The following RAPGEF2 variants were observed in gnomAD, a reference collection of about 807,000 sequenced individuals.
RAPGEF2 encodes PDZ domain containing guanine nucleotide exchange factor (GEF) 1.
Under a neutral mutation model 186.7 loss-of-function variants are expected in RAPGEF2, and 54 were observed. That is an observed-to-expected ratio of 0.29 (90% CI 0.23 to 0.36). The LOEUF (loss-of-function observed/expected upper bound fraction) is 0.36. Ranked by LOEUF, RAPGEF2 falls within the 10% of genes least tolerant of loss-of-function variation. The pLI is 1.00. For missense variants in RAPGEF2, 1,532 were observed against 2,045.0 expected (o/e 0.75, Z 4.84); for synonymous variants, 712 against 705.9 (o/e 1.01, Z -0.14).
intron 1 of RAPGEF2, among the ~76,000 whole-genome samples, chr4:159,135,377 T>C: frequency 6.6e-6 from 1 of 152,082 alleles, no homozygotes; most frequent in East Asian, 1.9e-4. Context: ...CAAGTAATAT[T>C]CCATTATATA....
At chr4:159,264,339 A>G (rs750658169) in intron 7 of RAPGEF2, among the ~76,000 whole-genome samples, 15 of 152,202 alleles carry the variant, frequency 9.9e-5, no homozygotes, top group Non-Finnish European at 1.6e-4. Context: ...TACTTCATCT[A>G]TAAGGTTTCC....
chr4:159,158,599 G>A (rs1004095235), intron 1 of RAPGEF2, among the ~76,000 whole-genome samples: 5 of 152,088 alleles, frequency 3.3e-5, no homozygotes, highest in Non-Finnish European at 7.3e-5. Flanking sequence ...TGGGCAGGGA[G>A]AAGTAGGTAA....
chr4:159,346,463 A>G (rs1730321978), intron 24 of RAPGEF2, among the ~76,000 whole-genome samples: 1 of 152,158 alleles, frequency 6.6e-6, no homozygotes, highest in Admixed American at 6.5e-5. Flanking sequence ...TTTATCACGT[A>G]TTTGTTTCTT....
At position 159,346,850 on chromosome 4, in the gene RAPGEF2, G is replaced by A. The variant is rs1277842507; in HGVS notation, c.3564G>A (p.Arg1188=). 1.9e-6 allele frequency: 3 copies of A among 1,613,914 alleles called. No homozygotes were observed. The highest frequency in any genetic ancestry group is 3.3e-5 in the Admixed American group (2 of 59,990). ...VKSETSPVAP[R]AGSQQKAQSL... is the part of the protein sequence containing the mutation. ...CCGAGACCTCTCCAGTAGCTCCAAGGGCAGGGTCACAACAGAAAGCTCAGT... is the reference window on the plus strand; with the variant it reads ...CCGAGACCTCTCCAGTAGCTCCAAGAGCAGGGTCACAACAGAAAGCTCAGT... Residue 1188 remains arginine (R), a synonymous_variant, in exon 25 of 30, where the codon AGG becomes AGA. Transcript: ENST00000691494.
intron 4 of RAPGEF2, among the ~76,000 whole-genome samples, chr4:159,227,379 G>C (rs1752151060): frequency 6.6e-6 from 1 of 152,182 alleles, no homozygotes; most frequent in African/African-American, 2.4e-5. Context: ...AGATATTAGA[G>C]CTAAGCTTCC....
intron 9 of RAPGEF2, among the ~76,000 whole-genome samples, chr4:159,318,971 T>C (rs1459962232): frequency 6.6e-6 from 1 of 152,342 alleles, no homozygotes; most frequent in Middle Eastern, 3.4e-3. Context: ...GGTAAGTGTA[T>C]AATTCTATAG....
intron 3 of RAPGEF2, among the ~76,000 whole-genome samples, chr4:159,196,603 C>T (rs1420135932): frequency 2.0e-5 from 3 of 152,188 alleles, no homozygotes; most frequent in African/African-American, 4.8e-5. Context: ...AGTTCCTACC[C>T]GTCAGGGTTG....
rs1746642935 is a variant in RAPGEF2, at chr4:159,178,223, C to T, written c.70-8419C>T. On this transcript the variant is annotated intron_variant, in intron 1 of 29. Transcript: ENST00000691494. ...GCAGTGGAACATAATCCCCCCACCC[C>T]ATTATTTTTTGTTGTGTACAAGCAG... Among the ~76,000 whole-genome samples, 4 of 152,118 alleles carry T rather than the reference C, an allele frequency of 2.6e-5. No homozygotes were observed. In the South Asian group the frequency reaches 8.3e-4, roughly 31 times the overall value.
At chr4:159,286,656 T>G (rs1200842933) in intron 7 of RAPGEF2, among the ~76,000 whole-genome samples, 1 of 152,116 alleles carries the variant, frequency 6.6e-6, no homozygotes, top group East Asian at 1.9e-4. Flanking sequence ...ATTGCTTTGA[T>G]CCTCCCTTTG....
At chr4:159,146,772 G>T (rs1743003582) in intron 1 of RAPGEF2, among the ~76,000 whole-genome samples, 1 of 152,078 alleles carries the variant, frequency 6.6e-6, no homozygotes, top group South Asian at 2.1e-4. Context: ...TTCCCTCCCA[G>T]CTTTTCTTTG....
chr4:159,282,089 A>T (rs759601844), intron 7 of RAPGEF2, among the ~76,000 whole-genome samples: 1 of 152,182 alleles, frequency 6.6e-6, no homozygotes, highest in Non-Finnish European at 1.5e-5. Context: ...CAGGAATTAC[A>T]TATCTGGCAC....
chr4:159,238,524 C>T (rs902964617), intron 4 of RAPGEF2, among the ~76,000 whole-genome samples: 1 of 152,062 alleles, frequency 6.6e-6, no homozygotes, highest in African/African-American at 2.4e-5. Flanking sequence ...TTTAAAATAA[C>T]CTAACAGAAA....
At chr4:159,168,424 C>T (rs989693233) in intron 1 of RAPGEF2, among the ~76,000 whole-genome samples, 2 of 151,818 alleles carry the variant, frequency 1.3e-5, no homozygotes, top group African/African-American at 2.4e-5. Flanking sequence ...CAAATCCATC[C>T]TTGGCCTCCC....
At chr4:159,340,512 A>G (rs1729236458) in intron 19 of RAPGEF2, among the ~76,000 whole-genome samples, 1 of 152,064 alleles carries the variant, frequency 6.6e-6, no homozygotes, top group Non-Finnish European at 1.5e-5. Flanking sequence ...CAAAGTATAT[A>G]TTTTCTGTTA....
chr4:159,260,201 A>C (rs1756650637), intron 7 of RAPGEF2, among the ~76,000 whole-genome samples: 1 of 151,900 alleles, frequency 6.6e-6, no homozygotes, highest in Non-Finnish European at 1.5e-5. Context: ...ACTAGTCTTG[A>C]ACTCCTAAGC....
chr4:159,205,514 G>A (rs1749875971), intron 3 of RAPGEF2, among the ~76,000 whole-genome samples: 1 of 152,174 alleles, frequency 6.6e-6, no homozygotes, highest in African/African-American at 2.4e-5. Flanking sequence ...GATATGGTTA[G>A]GCTCTGTGTC....
intron 1 of RAPGEF2, among the ~76,000 whole-genome samples, chr4:159,181,744 C>T (rs992171407): frequency 1.3e-5 from 2 of 152,068 alleles, no homozygotes; most frequent in Non-Finnish European, 1.5e-5. Context: ...ACCATGTTGG[C>T]CAGGGTGGTC....
At position 159,330,301 on chromosome 4, in the gene RAPGEF2, A is replaced by T. The variant is rs370631228; in HGVS notation, c.1303-33A>T. On this transcript the variant is annotated intron_variant, in intron 12 of 29. Coordinates refer to ENST00000691494, the MANE Select transcript of RAPGEF2 (RefSeq NM_001394067.2). ...TGTGTGTGTGTGTGTGTGTGTATATATATGTAGTAATTAAACCTTTTCTTT... is the reference window on the plus strand; with the variant it reads ...TGTGTGTGTGTGTGTGTGTGTATATTTATGTAGTAATTAAACCTTTTCTTT... 4,136 of 785,584 alleles carry T rather than the reference A, an allele frequency of 5.3e-3. 137 individuals carry two copies. In the African/African-American group the frequency reaches 0.1, roughly 19 times the overall value. 48.7% of individuals were successfully genotyped at this position (785,584 alleles called of 1,614,324 possible).
intron 1 of RAPGEF2, among the ~76,000 whole-genome samples, chr4:159,177,063 A>T (rs1352799305): frequency 6.6e-6 from 1 of 152,188 alleles, no homozygotes; most frequent in East Asian, 1.9e-4. Context: ...AGGATATGAG[A>T]TTTCTTACCA....
Sources: gnomAD v4.1 joint callset for allele counts (sites outside exome capture counted in the v4.1 genomes callset) on GRCh38, gnomAD v4.1.1 for gene constraint, MANE v1.5 for transcripts, NCBI Gene and HGNC (gene_info 2026-07-23, HGNC 2026-07-21) for gene names.